EMSY: variants seen among roughly 807,000 people sequenced by gnomAD.
EMSY encodes the protein EMSY transcriptional repressor, BRCA2 interacting, also known as BRCA2-interacting transcriptional repressor EMSY.
In EMSY, 26 loss-of-function variants were observed where a neutral mutation model predicts 134.6. The observed-to-expected ratio is 0.19, with a 90% CI of 0.14 to 0.27. EMSY has a LOEUF of 0.27. Among genes scored for constraint, EMSY ranks in the 10% least tolerant of loss-of-function variants. The probability of loss-of-function intolerance (pLI) is 1.00; values close to 1 mark genes in which losing one functional copy is unlikely to be tolerated. For missense variants in EMSY, 1,305 were observed against 1,611.4 expected (o/e 0.81, Z 3.26); for synonymous variants, 579 against 577.8 (o/e 1.00, Z -0.03).
intron 8 of EMSY, among the ~76,000 whole-genome samples, chr11:76,486,065 G>A (rs1416854692): frequency 3.9e-5 from 6 of 152,164 alleles, no homozygotes; most frequent in East Asian, 3.9e-4. Context: ...GGAATACTAC[G>A]CAGCCATAAA....
intron 9 of EMSY, among the ~76,000 whole-genome samples, chr11:76,503,873 C>G (rs180745793): frequency 2.5e-4 from 38 of 152,220 alleles, no homozygotes; most frequent in Non-Finnish European, 2.6e-4. Flanking sequence ...CAACTTACGC[C>G]TCCTGGGTTC....
At chr11:76,459,530 G>T (rs2135052823) in intron 5 of EMSY, 1 of 157,466 alleles carries the variant, frequency 6.4e-6, no homozygotes, top group Admixed American at 6.3e-5. Flanking sequence ...ATTGGAAATT[G>T]CTAAGGTTAG....
chr11:76,487,843 CT>C lies in EMSY; in HGVS notation c.1109-8370del, dbSNP rs528651392. ...TGGAAAAGATTCAAAATATGAAACA[CT>C]TATGATCCCAAAGATTTTGGATAAG... is the stretch of plus-strand genomic sequence containing the variant. On this transcript the variant is annotated intron_variant, in intron 8 of 20. Transcript: ENST00000334736. Among the ~76,000 whole-genome samples the C allele has an allele frequency of 2.9e-4, 44 of 152,338 alleles. No homozygotes were observed. In the South Asian group the frequency reaches 6.8e-3, roughly 24 times the overall value.
At chr11:76,487,373 A>AT (rs566367284) in intron 8 of EMSY, among the ~76,000 whole-genome samples, 163 of 152,358 alleles carry the variant, frequency 1.1e-3, no homozygotes, top group Middle Eastern at 6.8e-3. Flanking sequence ...TATCATAGGT[A>AT]TAGACTGAAA....
intron 9 of EMSY, among the ~76,000 whole-genome samples, chr11:76,507,819 T>C (rs1950132410): frequency 6.6e-6 from 1 of 152,028 alleles, no homozygotes; most frequent in Non-Finnish European, 1.5e-5. Flanking sequence ...TTATGGCAGC[T>C]GTAGCCTTAC....
intron 16 of EMSY, 48 bp from the exon 18 acceptor site, chr11:76,539,551 G>A (rs768152209): frequency 6.3e-7 from 1 of 1,585,732 alleles, no homozygotes; most frequent in Admixed American, 1.7e-5. Flanking sequence ...TTCTTGCATG[G>A]TGAACAGATG....
At chr11:76,521,350 T>C (rs1659656048) in intron 11 of EMSY, among the ~76,000 whole-genome samples, 1 of 152,180 alleles carries the variant, frequency 6.6e-6, no homozygotes, top group South Asian at 2.1e-4. Context: ...CTTGGCATGA[T>C]AAGTTTAGTT....
intron 9 of EMSY, among the ~76,000 whole-genome samples, chr11:76,500,529 G>A (rs1049713140): frequency 3.3e-5 from 5 of 152,156 alleles, no homozygotes; most frequent in African/African-American, 4.8e-5. Flanking sequence ...GCCTTCATGA[G>A]GTTAGAAGAA....
chr11:76,464,163 T>A, intron 7 of EMSY, 83 bp downstream of exon 8: 1 of 1,473,630 alleles, frequency 6.8e-7, no homozygotes, highest in Non-Finnish European at 9.4e-7. Context: ...CACTGAGTGC[T>A]TACTATGTGC....
intron 8 of EMSY, among the ~76,000 whole-genome samples, chr11:76,475,502 A>G (rs1478085630): frequency 1.3e-5 from 2 of 152,164 alleles, no homozygotes; most frequent in Non-Finnish European, 2.9e-5. Context: ...AGCCTTAAGT[A>G]ATTATAGGGG....
chr11:76,493,512 G>C (rs192073008), intron 8 of EMSY, among the ~76,000 whole-genome samples: 3 of 152,032 alleles, frequency 2.0e-5, no homozygotes, highest in Non-Finnish European at 4.4e-5. Context: ...GGCTTTTTCC[G>C]GTCCATTGGC....
chr11:76,462,171 G>A (rs187675201), intron 6 of EMSY, among the ~76,000 whole-genome samples: 28 of 151,610 alleles, frequency 1.8e-4, no homozygotes, highest in African/African-American at 6.1e-4. Context: ...TCTGGGAGAC[G>A]GAGGTTGTGG....
chr11:76,530,924 TA>T (rs1351065249), intron 14 of EMSY, among the ~76,000 whole-genome samples: 1 of 152,220 alleles, frequency 6.6e-6, no homozygotes, highest in African/African-American at 2.4e-5. Flanking sequence ...TTTTTCTTTT[TA>T]AAGTAACCTT....
intron 11 of EMSY, among the ~76,000 whole-genome samples, chr11:76,517,859 C>T (rs1950500866): frequency 6.6e-6 from 1 of 152,110 alleles, no homozygotes; most frequent in Non-Finnish European, 1.5e-5. Context: ...CAACTTTATT[C>T]ATTGTGTGGT....
chr11:76,507,318 A>G (rs1835448473), intron 9 of EMSY, among the ~76,000 whole-genome samples: 2 of 152,226 alleles, frequency 1.3e-5, no homozygotes, highest in South Asian at 4.1e-4. Context: ...AAGTAAGACA[A>G]CAGTGAAGTT....
At chr11:76,543,327 T>C (rs577749668) in intron 18 of EMSY, among the ~76,000 whole-genome samples, 88 of 152,298 alleles carry the variant, frequency 5.8e-4, no homozygotes, top group South Asian at 4.6e-3. Context: ...AGAGTCACAA[T>C]TGAATCTCAA....
At chr11:76,459,354 C>T (rs1431374013) in intron 5 of EMSY, 1 of 152,482 alleles carries the variant, frequency 6.6e-6, no homozygotes, top group Non-Finnish European at 1.5e-5. Flanking sequence ...TAAATGGTGC[C>T]TATAACCTAT....
chr11:76,501,176 T>G (rs536698732), intron 9 of EMSY, among the ~76,000 whole-genome samples: 14 of 152,338 alleles, frequency 9.2e-5, no homozygotes, highest in African/African-American at 3.1e-4. Context: ...TTCCTAAATA[T>G]TTTTGATCCA....
At chr11:76,504,035 C>G (rs540898215) in intron 9 of EMSY, among the ~76,000 whole-genome samples, 1 of 152,030 alleles carries the variant, frequency 6.6e-6, no homozygotes, top group South Asian at 2.1e-4. Flanking sequence ...ATCCACCTAC[C>G]TTGGCCTCCC....
Sources: gnomAD v4.1 joint callset for allele counts (sites outside exome capture counted in the v4.1 genomes callset) on GRCh38, gnomAD v4.1.1 for gene constraint, MANE v1.5 for transcripts, NCBI Gene and HGNC (gene_info 2026-07-23, HGNC 2026-07-21) for gene names.